The following TANGO6 variants were observed in gnomAD, a reference collection of about 807,000 sequenced individuals.
TANGO6 encodes transport and golgi organization 6 homolog.
TANGO6 carries 90 observed loss-of-function variants against 114.2 expected under a neutral mutation model. The ratio of observed to expected loss-of-function variants is 0.79; its 90% CI spans 0.66 to 0.94. The LOEUF (loss-of-function observed/expected upper bound fraction) is 0.94. Among genes scored for constraint, TANGO6 ranks in the 40% least tolerant of loss-of-function variants. TANGO6 has a pLI of 0.00. For synonymous variants in TANGO6, 477 were observed against 509.8 expected (o/e 0.94, Z 0.87); for missense variants, 1,274 against 1,315.3 (o/e 0.97, Z 0.49).
intron 15 of TANGO6, among the ~76,000 whole-genome samples, chr16:68,979,355 G>A (rs1006106510): frequency 9.9e-5 from 15 of 151,830 alleles, no homozygotes; most frequent in Non-Finnish European, 1.8e-4. Context: ...TCAGCCTCCC[G>A]AGTAGCTGGG....
At chr16:68,873,169 C>T (rs1316603245) in intron 4 of TANGO6, among the ~76,000 whole-genome samples, 3 of 152,010 alleles carry the variant, frequency 2.0e-5, no homozygotes, top group African/African-American at 7.2e-5. Flanking sequence ...TCCTCATTCT[C>T]CCCTCCTCTC....
At chr16:68,927,421 A>G (rs1405832950) in intron 12 of TANGO6, 147 bp from the exon 13 acceptor site, 2 of 739,808 alleles carry the variant, frequency 2.7e-6, no homozygotes, top group African/African-American at 1.8e-5. Flanking sequence ...AATGGTATTC[A>G]GTGCTGGACC....
intron 4 of TANGO6, among the ~76,000 whole-genome samples, chr16:68,870,832 C>T (rs1172964899): frequency 1.3e-5 from 2 of 149,490 alleles, no homozygotes; most frequent in African/African-American, 4.9e-5. Flanking sequence ...GAATTTCGCT[C>T]TTGTTGCCCA....
chr16:68,895,622 G>A (rs1035862896), intron 7 of TANGO6, among the ~76,000 whole-genome samples: 1 of 152,168 alleles, frequency 6.6e-6, no homozygotes, highest in Non-Finnish European at 1.5e-5. Flanking sequence ...TTTCATAGTG[G>A]TTAGGTGCTC....
chr16:68,960,593 C>T (rs1963579125), intron 14 of TANGO6, among the ~76,000 whole-genome samples: 1 of 152,112 alleles, frequency 6.6e-6, no homozygotes, highest in Non-Finnish European at 1.5e-5. Flanking sequence ...ACCTCTTCCT[C>T]CCGGGGTTTA....
chr16:69,050,868 T>A (rs964318783), intron 17 of TANGO6, among the ~76,000 whole-genome samples: 4 of 151,896 alleles, frequency 2.6e-5, no homozygotes, highest in African/African-American at 9.7e-5. Context: ...CAAGTAATCT[T>A]CCTGCCTCAG....
chr16:68,955,090 A>G (rs1047392220), intron 14 of TANGO6, among the ~76,000 whole-genome samples: 1 of 152,154 alleles, frequency 6.6e-6, no homozygotes, highest in African/African-American at 2.4e-5. Context: ...CCTTTTCACA[A>G]CTAGGGATTA....
At chr16:68,866,835 G>T (rs1962185322) in intron 3 of TANGO6, among the ~76,000 whole-genome samples, 3 of 152,084 alleles carry the variant, frequency 2.0e-5, no homozygotes, top group African/African-American at 7.2e-5. Context: ...GACTCAGGAG[G>T]CTGAAGCAGG....
At chr16:68,895,106 T>G (rs74388635) in intron 7 of TANGO6, among the ~76,000 whole-genome samples, 14,877 of 152,198 alleles carry the variant, frequency 0.098, 803 homozygotes, top group African/African-American at 0.15. Flanking sequence ...ATGAAGACTT[T>G]CTGTATGTTA....
At chr16:69,067,529 A>C (rs1960233079) in intron 17 of TANGO6, among the ~76,000 whole-genome samples, 1 of 149,908 alleles carries the variant, frequency 6.7e-6, no homozygotes, top group Non-Finnish European at 1.5e-5. Context: ...AAAAAAAAAA[A>C]AAAAAAAACG....
intron 13 of TANGO6, among the ~76,000 whole-genome samples, chr16:68,928,522 G>C (rs894481067): frequency 6.6e-6 from 1 of 151,826 alleles, no homozygotes; most frequent in African/African-American, 2.4e-5. Flanking sequence ...GGATGGTCTC[G>C]ATCTCCTGAC....
chr16:69,008,812 C>A (rs2152223401), intron 15 of TANGO6, among the ~76,000 whole-genome samples: 1 of 151,030 alleles, frequency 6.6e-6, no homozygotes, highest in South Asian at 2.1e-4. Context: ...CTGACTAATT[C>A]TTGTATATTT....
intron 17 of TANGO6, among the ~76,000 whole-genome samples, chr16:69,076,255 C>G (rs1960377457): frequency 6.7e-6 from 1 of 149,146 alleles, no homozygotes; most frequent in South Asian, 2.1e-4. Flanking sequence ...CCACGCCTGG[C>G]TAATTTTTGT....
chr16:69,049,454 G>A (rs1597071943), intron 17 of TANGO6, among the ~76,000 whole-genome samples: 1 of 147,776 alleles, frequency 6.8e-6, no homozygotes, highest in African/African-American at 2.5e-5. Context: ...TTTTGGAGAC[G>A]AAGTTTCGCT....
In TANGO6 at chr16:68,859,819, T is replaced by C. The variant is rs1596991272; in HGVS notation, c.95-65T>C. On this transcript the variant is annotated intron_variant, in intron 1 of 17. Coordinates refer to ENST00000261778, the MANE Select transcript of TANGO6 (RefSeq NM_024562.2). ...GGATGAACTGGAGTAGGCAGGGCAT[T>C]CCACAGGGGGAAGTGCAGCTTGTTT... is the stretch of plus-strand genomic sequence containing the variant. 3.4e-6 allele frequency: 5 copies of C among 1,476,644 alleles called. No individual in the cohort carries two copies. In the East Asian group the frequency reaches 7.0e-5, roughly 21 times the overall value. 91.5% of individuals were successfully genotyped at this position (1,476,644 alleles called of 1,614,324 possible). A position where few individuals can be genotyped will look rare whatever the true frequency, so the allele number is the denominator to read the frequency against.
intron 15 of TANGO6, among the ~76,000 whole-genome samples, chr16:69,020,326 G>C (rs1597060544): frequency 6.6e-6 from 1 of 152,178 alleles, no homozygotes; most frequent in Non-Finnish European, 1.5e-5. Context: ...TATATGCAAA[G>C]ACTGCTAAGA....
At position 68,927,860 on chromosome 16, in the gene TANGO6, C is replaced by G. The variant is rs764383396; in HGVS notation, c.2420C>G (p.Thr807Arg). The change falls in exon 13 of 18, where the codon ACA becomes AGA. Residue 807 changes from threonine to arginine, a missense_variant. This residue lies in a region of TANGO6 where 908 missense variants were observed against 910.2 expected (regional missense o/e 1.00). Transcript: ENST00000261778. ...QQQSHETAPQTGLQSNAPIIP... is the reference protein window; with the variant it reads ...QQQSHETAPQRGLQSNAPIIP... ...CAGAGCCATGAGACAGCCCCCCAGA[C>G]AGGCCTGCAGTCAAATGCTCCAATC... The G allele has an allele frequency of 6.2e-7, 1 of 1,614,026 alleles. No homozygotes were observed. The highest frequency in any genetic ancestry group is 1.3e-5 in the African/African-American group (1 of 75,064).
At chr16:68,975,191 G>C (rs973209473) in intron 15 of TANGO6, among the ~76,000 whole-genome samples, 9 of 152,230 alleles carry the variant, frequency 5.9e-5, no homozygotes, top group East Asian at 5.8e-4. Context: ...TACTAAACCT[G>C]TTTTACAGAT....
At chr16:68,891,946 G>A (rs1340685499) in intron 7 of TANGO6, among the ~76,000 whole-genome samples, 1 of 143,286 alleles carries the variant, frequency 7.0e-6, no homozygotes. Context: ...AGAGAGGAAG[G>A]AAGGAAGGCA....
Sources: gnomAD v4.1 joint callset for allele counts (sites outside exome capture counted in the v4.1 genomes callset) on GRCh38, gnomAD v4.1.1 for gene constraint, gnomAD v4.1.1 regional missense constraint, MANE v1.5 for transcripts, NCBI Gene and HGNC (gene_info 2026-07-23, HGNC 2026-07-21) for gene names.